MCC: variants seen among roughly 807,000 people sequenced by gnomAD.
MCC encodes the protein MCC regulator of Wnt signaling pathway.
A neutral mutation model predicts 116.2 loss-of-function variants in MCC; 90 were observed. The observed-to-expected ratio is 0.77, with a 90% CI of 0.65 to 0.92. The LOEUF is 0.92. Ranked by LOEUF, MCC falls within the 40% of genes least tolerant of loss-of-function variation. MCC has a pLI of 0.00. For synonymous variants in MCC, 578 were observed against 510.5 expected (o/e 1.13, Z -1.78); for missense variants, 1,516 against 1,312.2 (o/e 1.16, Z -2.40).
At chr5:113,391,170 T>C (rs1471341819) in intron 1 of MCC, among the ~76,000 whole-genome samples, 2 of 151,872 alleles carry the variant, frequency 1.3e-5, no homozygotes, top group African/African-American at 4.8e-5. Flanking sequence ...GGAGAAGAAG[T>C]TATTAAATAT....
At chr5:113,326,598 T>C (rs1767558912) in intron 3 of MCC, among the ~76,000 whole-genome samples, 1 of 152,184 alleles carries the variant, frequency 6.6e-6, no homozygotes, top group African/African-American at 2.4e-5. Flanking sequence ...ACGATGGGGG[T>C]TAAGTTTCAA....
chr5:113,223,288 A>G (rs182331546), intron 3 of MCC, among the ~76,000 whole-genome samples: 4 of 152,304 alleles, frequency 2.6e-5, no homozygotes, highest in Admixed American at 2.0e-4. Flanking sequence ...ATTAATTACC[A>G]AAGTTTAAAA....
At chr5:113,247,641 G>C (rs1561484014) in intron 3 of MCC, among the ~76,000 whole-genome samples, 1 of 152,168 alleles carries the variant, frequency 6.6e-6, no homozygotes, top group Non-Finnish European at 1.5e-5. Flanking sequence ...ACTGAGAGGA[G>C]ACTCAGCAGT....
At chr5:113,171,872 G>A (rs1422872241) in intron 3 of MCC, among the ~76,000 whole-genome samples, 2 of 152,130 alleles carry the variant, frequency 1.3e-5, no homozygotes, top group Non-Finnish European at 2.9e-5. Flanking sequence ...CCTACTACAT[G>A]AGCCCCTACA....
At chr5:113,433,133 C>G (rs1338379413) in intron 1 of MCC, 1 of 160,458 alleles carries the variant, frequency 6.2e-6, no homozygotes, top group Middle Eastern at 3.1e-3. Context: ...TGTTTTGAGG[C>G]TTCTTTAAAA....
intron 3 of MCC, among the ~76,000 whole-genome samples, chr5:113,169,578 C>A (rs1031052651): frequency 6.6e-6 from 1 of 152,162 alleles, no homozygotes; most frequent in Non-Finnish European, 1.5e-5. Context: ...CCCAGTCAAA[C>A]TGCTCAGGTG....
chr5:113,394,295 T>G (rs925691686), intron 1 of MCC, among the ~76,000 whole-genome samples: 3 of 152,136 alleles, frequency 2.0e-5, no homozygotes, highest in African/African-American at 7.2e-5. Context: ...CATCCCTACC[T>G]CTCAACATTT....
At position 113,043,531 on chromosome 5, in the gene MCC, G is replaced by A. The variant is rs1173303350; in HGVS notation, c.2755C>T (p.Arg919Ter). 1.9e-6 allele frequency: 3 copies of A among 1,613,566 alleles called. No individual in the cohort carries two copies. The highest frequency in any genetic ancestry group is 2.5e-6 in the Non-Finnish European group (3 of 1,179,676). Reference protein sequence around the residue: ...LAAEFTNAIRREKKLKARVQE... With the variant: ...LAAEFTNAIR ...CTGGGGTGGGGAAAGGGTGCTTACC[G>A]ACGAATGGCGTTGGTGAACTCCGCA... The change falls in exon 17 of 19, where the codon CGA (arginine) becomes TGA (stop). Residue 919 changes from arginine to a stop codon, truncating the protein, a stop_gained and splice_region_variant. Transcript: ENST00000408903. LOFTEE classifies it high-confidence loss of function.
rs1045688604 is a variant in MCC, at chr5:113,025,123, T to G, written c.*2179A>C. ...CCTGCTTCAGCCACATGTTTCTGTG[T>G]CAGTGAAAATGAAAACTGCCCATTT... On this transcript the variant is annotated 3_prime_UTR_variant, in exon 19 of 19. Coordinates refer to ENST00000408903, the MANE Select transcript of MCC (RefSeq NM_001085377.2). 1.3e-5 allele frequency: 2 copies of G among 152,034 alleles called. No individual in the cohort carries two copies. The highest frequency in any genetic ancestry group is 4.8e-5 in the African/African-American group (2 of 41,396). The allele number at this position is 152,034 out of a possible 1,614,324, so 9.4% of individuals were successfully genotyped here. A position where few individuals can be genotyped will look rare whatever the true frequency, so the allele number is the denominator to read the frequency against.
chr5:113,245,060 G>C (rs1240900067), intron 3 of MCC, among the ~76,000 whole-genome samples: 4 of 152,180 alleles, frequency 2.6e-5, no homozygotes, highest in Admixed American at 6.5e-5. Flanking sequence ...GGGAGGCTGA[G>C]GCAGGCAGAT....
chr5:113,111,237 C>A (rs905780044), intron 6 of MCC, among the ~76,000 whole-genome samples: 2 of 152,176 alleles, frequency 1.3e-5, no homozygotes, highest in African/African-American at 4.8e-5. Context: ...AACAGGTATT[C>A]CCAGCTGGGG....
intron 3 of MCC, among the ~76,000 whole-genome samples, chr5:113,155,100 T>A (rs891827827): frequency 1.3e-5 from 2 of 152,198 alleles, no homozygotes; most frequent in African/African-American, 4.8e-5. Flanking sequence ...TGAGATCAAC[T>A]TTTTTAGCTC....
intron 1 of MCC, among the ~76,000 whole-genome samples, chr5:113,459,183 T>C (rs1454830803): frequency 2.5e-5 from 1 of 39,530 alleles, no homozygotes; most frequent in African/African-American, 1.3e-4. Context: ...GTGTGTGAAG[T>C]GGGTGGGGGG....
At chr5:113,069,932 G>A (rs979385601) in intron 12 of MCC, among the ~76,000 whole-genome samples, 7 of 152,198 alleles carry the variant, frequency 4.6e-5, no homozygotes, top group African/African-American at 1.2e-4. Context: ...TTAAGACAAA[G>A]GGCTGAAATG....
chr5:113,044,090 G>A (rs1223900520), intron 16 of MCC, among the ~76,000 whole-genome samples: 2 of 152,182 alleles, frequency 1.3e-5, no homozygotes, highest in Non-Finnish European at 2.9e-5. Flanking sequence ...TCTCTTGACC[G>A]CTAGGTAAAG....
At chr5:113,270,656 C>CT (rs1458254790) in intron 3 of MCC, among the ~76,000 whole-genome samples, 1 of 145,430 alleles carries the variant, frequency 6.9e-6, no homozygotes, top group African/African-American at 2.6e-5. Context: ...GCCCATTTAA[C>CT]TTTTTTAGCA....
At chr5:113,438,775 T>C (rs1274171570) in intron 1 of MCC, among the ~76,000 whole-genome samples, 1 of 152,240 alleles carries the variant, frequency 6.6e-6, no homozygotes, top group African/African-American at 2.4e-5. Context: ...CGACATGGCA[T>C]CACCTTCTAA....
intron 3 of MCC, among the ~76,000 whole-genome samples, chr5:113,304,896 T>A (rs1003062276): frequency 6.6e-6 from 1 of 152,114 alleles, no homozygotes; most frequent in Non-Finnish European, 1.5e-5. Flanking sequence ...CATGCTTAAA[T>A]TAAATGAATT....
intron 3 of MCC, among the ~76,000 whole-genome samples, chr5:113,233,302 T>C (rs1245278934): frequency 2.6e-5 from 4 of 152,206 alleles, no homozygotes; most frequent in Non-Finnish European, 5.9e-5. Flanking sequence ...GGGCGGAAAG[T>C]TGCCAAAAGG....
Sources: allele counts gnomAD v4.1 joint callset (sites outside exome capture counted in the v4.1 genomes callset), GRCh38; gene constraint gnomAD v4.1.1; transcripts MANE v1.5; gene names NCBI Gene and HGNC (gene_info 2026-07-23, HGNC 2026-07-21).